Variants in NUSAP1 observed in about 807,000 individuals in gnomAD.
NUSAP1 encodes nucleolar and spindle associated protein 1, also known as nucleolar and spindle-associated protein 1.
A neutral mutation model predicts 52.8 loss-of-function variants in NUSAP1; 32 were observed. The ratio of observed to expected loss-of-function variants is 0.61; its 90% CI spans 0.46 to 0.81. NUSAP1 has a LOEUF of 0.81. Ranked by LOEUF, NUSAP1 falls within the 40% of genes least tolerant of loss-of-function variation. The probability of loss-of-function intolerance (pLI) is 0.00; values close to 1 mark genes in which losing one functional copy is unlikely to be tolerated. For synonymous variants in NUSAP1, 195 were observed against 183.1 expected, an observed-to-expected ratio of 1.06 and a Z score of -0.52; for missense variants, 499 against 522.3, an observed-to-expected ratio of 0.96 and a Z score of 0.43.
intron 1 of NUSAP1, among the ~76,000 whole-genome samples, chr15:41,335,688 T>C (rs1002040741): frequency 2.1e-5 from 3 of 142,008 alleles, no homozygotes; most frequent in Admixed American, 7.2e-5. Context: ...ATACTAAATA[T>C]AGTATGTATG....
chr15:41,334,189 G>C (rs1372059817), intron 1 of NUSAP1, among the ~76,000 whole-genome samples: 2 of 152,146 alleles, frequency 1.3e-5, no homozygotes, highest in African/African-American at 4.8e-5. Context: ...CGCCATCTCG[G>C]CTCACCGCAA....
At chr15:41,350,953 C>G in intron 3 of NUSAP1, 35 bp from the exon 4 acceptor site, 1 of 1,554,586 alleles carries the variant, frequency 6.4e-7, no homozygotes, top group Non-Finnish European at 8.8e-7. Context: ...TCTTATTTAT[C>G]ATCGAAATCT....
chr15:41,337,505 G>A (rs1270952285), intron 1 of NUSAP1, among the ~76,000 whole-genome samples: 1 of 152,058 alleles, frequency 6.6e-6, no homozygotes, highest in Non-Finnish European at 1.5e-5. Flanking sequence ...TTTGCCATAA[G>A]GCATGCAATC....
intron 7 of NUSAP1, among the ~76,000 whole-genome samples, chr15:41,368,728 C>CTTTTTTTTTTTTTTTTTTTTTTT (rs57501156): frequency 2.6e-5 from 2 of 77,942 alleles, no homozygotes; most frequent in African/African-American, 5.3e-5. Context: ...TTATTTTATT[C>CTTTTTTTTTTTTTTTTTTTTTTT]TTTTTTTTTT....
At chr15:41,371,837 C>T (rs1370249501) in intron 8 of NUSAP1, among the ~76,000 whole-genome samples, 153 bp downstream of exon 8, 2 of 152,070 alleles carry the variant, frequency 1.3e-5, no homozygotes, top group Non-Finnish European at 2.9e-5. Context: ...ATGGCGGGAT[C>T]TCGGCTCACT....
intron 10 of NUSAP1, among the ~76,000 whole-genome samples, chr15:41,378,425 C>T (rs955927944): frequency 3.3e-5 from 5 of 152,156 alleles, no homozygotes; most frequent in African/African-American, 7.2e-5. Flanking sequence ...CTTGGACCCT[C>T]GTGACACAGG....
intron 1 of NUSAP1, among the ~76,000 whole-genome samples, chr15:41,338,325 G>A (rs1322032690): frequency 1.3e-5 from 2 of 152,090 alleles, no homozygotes; most frequent in Non-Finnish European, 2.9e-5. Context: ...ATGCTGACTC[G>A]TGTATTTAAG....
intron 7 of NUSAP1, 129 bp from the exon 8 acceptor site, chr15:41,371,398 G>A (rs934193731): frequency 1.1e-5 from 7 of 664,552 alleles, no homozygotes; most frequent in South Asian, 3.1e-5. Context: ...AAAGAGGTTC[G>A]TTCCTATGAC....
intron 10 of NUSAP1, among the ~76,000 whole-genome samples, chr15:41,378,567 C>T (rs1176718700): frequency 2.0e-5 from 3 of 152,118 alleles, no homozygotes; most frequent in Admixed American, 6.6e-5. Flanking sequence ...GGGTGGATCA[C>T]GATGTCAGGA....
At chr15:41,372,060 G>A (rs141089982) in intron 8 of NUSAP1, among the ~76,000 whole-genome samples, 88 of 152,210 alleles carry the variant, frequency 5.8e-4, no homozygotes, top group African/African-American at 1.7e-3. Flanking sequence ...GAGCCACTGC[G>A]CCCGGCCTGT....
chr15:41,357,777 G>A (rs1567057501), intron 5 of NUSAP1, among the ~76,000 whole-genome samples: 1 of 152,012 alleles, frequency 6.6e-6, no homozygotes, highest in African/African-American at 2.4e-5. Context: ...GCCCTTTATA[G>A]AATAAATTTG....
intron 7 of NUSAP1, among the ~76,000 whole-genome samples, chr15:41,368,728 C>CTTTTTTTTTTTT (rs57501156): frequency 6.4e-5 from 5 of 77,920 alleles, no homozygotes; most frequent in East Asian, 4.3e-4. Flanking sequence ...TTATTTTATT[C>CTTTTTTTTTTTT]TTTTTTTTTT....
rs554396621 is a variant in NUSAP1, at chr15:41,332,906, T to G, written c.-52T>G. On this transcript the variant is annotated 5_prime_UTR_variant, in exon 1 of 11. Transcript: ENST00000559596. ...GTGGCGCCAGGGATTTGAACCGCGC[T>G]GACGAAGTTTGGTGATCCATCTTCC... is the stretch of plus-strand genomic sequence containing the variant. 2.8e-6 allele frequency: 4 copies of G among 1,426,392 alleles called. No homozygotes were observed. Among genetic ancestry groups the G allele is most frequent in the Non-Finnish European group, 3.9e-6 (4 of 1,026,544 alleles). The allele number at this position is 1,426,392 out of a possible 1,614,324, so 88.4% of individuals were successfully genotyped here.
chr15:41,342,360 C>G (rs1427034660), intron 1 of NUSAP1, 26 bp from the exon 2 acceptor site: 6 of 1,482,654 alleles, frequency 4.0e-6, no homozygotes, highest in Non-Finnish European at 5.6e-6. Flanking sequence ...TGACTTTTGG[C>G]TCTAATAATA....
intron 7 of NUSAP1, among the ~76,000 whole-genome samples, chr15:41,368,811 C>T (rs983210195): frequency 2.1e-5 from 3 of 143,852 alleles, no homozygotes; most frequent in Non-Finnish European, 4.5e-5. Flanking sequence ...CGGCTCACTA[C>T]GACCTCCATC....
intron 10 of NUSAP1, among the ~76,000 whole-genome samples, chr15:41,378,229 G>A (rs1038673711): frequency 6.6e-6 from 1 of 152,066 alleles, no homozygotes; most frequent in Non-Finnish European, 1.5e-5. Flanking sequence ...GCAGCCCAGG[G>A]CACCTACATA....
chr15:41,363,349 A>ATG (rs1364274647), intron 6 of NUSAP1, among the ~76,000 whole-genome samples: 1 of 149,614 alleles, frequency 6.7e-6, no homozygotes, highest in African/African-American at 2.4e-5. Context: ...CTATATATAT[A>ATG]TACAATTTTT....
intron 1 of NUSAP1, among the ~76,000 whole-genome samples, chr15:41,336,587 G>T (rs1014236772): frequency 6.7e-6 from 1 of 150,032 alleles, no homozygotes; most frequent in Non-Finnish European, 1.5e-5. Context: ...TTTGTTGAGC[G>T]AACTTATTTT....
chr15:41,376,413 C>T lies in NUSAP1; in HGVS notation c.1123+585C>T, dbSNP rs527977814. The stretch of plus-strand genomic sequence containing the variant: ...GACCACGCCTCAAAAACAGGCTGGG[C>T]GCGGTGGCTCACGCCTGTAATCCCA... On this transcript the variant is annotated intron_variant, in intron 9 of 10. Transcript: ENST00000559596. Among the ~76,000 whole-genome samples the T allele has an allele frequency of 2.6e-4, 39 of 150,492 alleles. No individual in the cohort carries two copies. In the East Asian group the frequency reaches 6.1e-3, roughly 24 times the overall value.
Sources: allele counts gnomAD v4.1 joint callset (sites outside exome capture counted in the v4.1 genomes callset), GRCh38; gene constraint gnomAD v4.1.1; transcripts MANE v1.5; gene names NCBI Gene and HGNC (gene_info 2026-07-23, HGNC 2026-07-21).